Variants in HPSE2 observed in about 807,000 individuals in gnomAD.
HPSE2 encodes heparanase 2 (inactive).
Under a neutral mutation model 60.5 loss-of-function variants are expected in HPSE2, and 38 were observed. The ratio of observed to expected loss-of-function variants is 0.63; its 90% CI spans 0.48 to 0.82. The LOEUF (loss-of-function observed/expected upper bound fraction) is 0.82. Among genes scored for constraint, HPSE2 ranks in the 40% least tolerant of loss-of-function variants. The pLI is 0.00. For synonymous variants in HPSE2, 295 were observed against 293.2 expected (o/e 1.01, Z -0.06); for missense variants, 713 against 740.4 (o/e 0.96, Z 0.43).
At chr10:99,295,883 T>G in the HPSE2 span, among the ~76,000 whole-genome samples, 6 of 152,180 alleles carry the variant, frequency 3.9e-5, no homozygotes, top group Non-Finnish European at 1.5e-5. Context: ...GAAAGAAATT[T>G]GGTATTATTT....
chr10:98,495,643 G>T (rs181416596), intron 9 of HPSE2, among the ~76,000 whole-genome samples: 1 of 151,872 alleles, frequency 6.6e-6, no homozygotes, highest in Admixed American at 6.5e-5. Context: ...TCTTCTGACT[G>T]CTCCAATTTG....
intron 3 of HPSE2, chr10:99,013,522 A>G: frequency 3.1e-6 from 1 of 323,786 alleles, no homozygotes; most frequent in African/African-American, 2.3e-5. Context: ...CCCAGGCTGG[A>G]GTGTACTGGC....
chr10:99,281,169 CTTA>C, the HPSE2 span, among the ~76,000 whole-genome samples: 18 of 149,522 alleles, frequency 1.2e-4, no homozygotes, highest in African/African-American at 3.4e-4. Context: ...TAAACAATAA[CTTA>C]TTAATATTAT....
At chr10:99,001,110 T>C (rs560019071) in intron 3 of HPSE2, among the ~76,000 whole-genome samples, 1 of 152,252 alleles carries the variant, frequency 6.6e-6, no homozygotes, top group East Asian at 1.9e-4. Flanking sequence ...ATTTCTCTAA[T>C]CACCCTCTAT....
the HPSE2 span, among the ~76,000 whole-genome samples, chr10:99,251,802 A>T: frequency 6.8e-6 from 1 of 146,874 alleles, no homozygotes; most frequent in East Asian, 2.0e-4. Flanking sequence ...AGGCAGGAGG[A>T]TCACATGAGA....
chr10:98,953,945 A>G (rs1955439097), intron 3 of HPSE2, among the ~76,000 whole-genome samples: 1 of 152,206 alleles, frequency 6.6e-6, no homozygotes, highest in Admixed American at 6.5e-5. Flanking sequence ...ATACTACCAA[A>G]TCTATAATAA....
At chr10:99,115,175 C>T (rs1389957764) in intron 3 of HPSE2, among the ~76,000 whole-genome samples, 8 of 134,966 alleles carry the variant, frequency 5.9e-5, no homozygotes, top group East Asian at 4.6e-4. Context: ...TTTTTTGAGA[C>T]GGAGTCTCGC....
intron 9 of HPSE2, among the ~76,000 whole-genome samples, chr10:98,601,659 C>A (rs1042133042): frequency 6.6e-6 from 1 of 152,220 alleles, no homozygotes; most frequent in Non-Finnish European, 1.5e-5. Context: ...CCCACCCCTG[C>A]GGGGAGGAAT....
rs112643639 is a variant in HPSE2, at chr10:98,769,961, T to C, written c.611-25905A>G. Among the ~76,000 whole-genome samples, 24 of 152,320 alleles carry C rather than the reference T, an allele frequency of 1.6e-4. 1 individual carries two copies. Among genetic ancestry groups the C allele is most frequent in the African/African-American group, 5.5e-4 (23 of 41,576 alleles). ...TTTGGATACAAAGATGGAATGTTAT[T>C]GCTAAGTTTGAAGAGTCTATCTAAA... On this transcript the variant is annotated intron_variant, in intron 3 of 11. Transcript: ENST00000370552.
intron 3 of HPSE2, among the ~76,000 whole-genome samples, chr10:99,117,087 CT>C (rs35466880): frequency 6.6e-6 from 1 of 151,972 alleles, no homozygotes; most frequent in Admixed American, 6.6e-5. Context: ...CAGAGAATAC[CT>C]TTTTTTGCAA....
chr10:99,133,089 A>T (rs1335839150), intron 3 of HPSE2, among the ~76,000 whole-genome samples: 4 of 152,200 alleles, frequency 2.6e-5, no homozygotes, highest in African/African-American at 9.6e-5. Context: ...AAGCTTGAGT[A>T]GGCGGTTTTA....
rs1425733779 is a variant in HPSE2 at position 98,726,504 on chromosome 10, A to T, written c.785-4676T>A. On this transcript the variant is annotated intron_variant, in intron 4 of 11. Transcript: ENST00000370552. ...CTGTTGTGGGGCAGGGGGAGGGGGG[A>T]GGGATAGCATTAGGAGATATACCTA... 3.8e-5 allele frequency among the ~76,000 whole-genome samples: 5 copies of T among 130,482 alleles called. No homozygotes were observed. In the East Asian group the frequency reaches 1.3e-3, roughly 35 times the overall value. 85.6% of individuals were successfully genotyped at this position (130,482 alleles called of 152,430 possible). A position where few individuals can be genotyped will look rare whatever the true frequency, so the allele number is the denominator to read the frequency against.
intron 3 of HPSE2, among the ~76,000 whole-genome samples, chr10:98,906,733 G>A (rs1017721942): frequency 1.1e-4 from 16 of 152,034 alleles, no homozygotes; most frequent in African/African-American, 2.7e-4. Flanking sequence ...GTTAAACCCC[G>A]TCTCTGCTAA....
intron 2 of HPSE2, among the ~76,000 whole-genome samples, chr10:99,226,224 C>G (rs1009578561): frequency 3.9e-5 from 6 of 151,976 alleles, no homozygotes; most frequent in African/African-American, 1.4e-4. Context: ...GGTCTACCTA[C>G]CTATCTAACT....
At chr10:98,847,965 G>A (rs537225151) in intron 3 of HPSE2, among the ~76,000 whole-genome samples, 12 of 152,302 alleles carry the variant, frequency 7.9e-5, no homozygotes, top group South Asian at 2.1e-4. Context: ...AAGTGTTAAC[G>A]AAACTTTATG....
chr10:98,724,021 T>C (rs1481392710), intron 4 of HPSE2, among the ~76,000 whole-genome samples: 1 of 152,226 alleles, frequency 6.6e-6, no homozygotes, highest in Non-Finnish European at 1.5e-5. Flanking sequence ...TGAATGTGTT[T>C]GCTCTTGCTT....
intron 3 of HPSE2, among the ~76,000 whole-genome samples, chr10:98,870,565 T>G (rs559142501): frequency 6.6e-6 from 1 of 152,206 alleles, no homozygotes; most frequent in East Asian, 1.9e-4. Context: ...CCTTGAAAAC[T>G]GGATAGGAAA....
chr10:99,168,971 G>A (rs1847192774), intron 2 of HPSE2, among the ~76,000 whole-genome samples: 4 of 151,834 alleles, frequency 2.6e-5, no homozygotes, highest in Admixed American at 2.0e-4. Flanking sequence ...AAGGCGGGTG[G>A]ATCACAAGGT....
intron 9 of HPSE2, among the ~76,000 whole-genome samples, chr10:98,607,058 CCTCCCTCCCTCCCTCCCTCT>C (rs1197718960): frequency 2.5e-4 from 32 of 126,140 alleles, no homozygotes; most frequent in East Asian, 6.6e-4. Context: ...TTTCTTTCTC[CCTCCCTCCCTCCCTCCCTCT>C]CTCCCTCCCT....
Sources: gnomAD v4.1 joint callset for allele counts (sites outside exome capture counted in the v4.1 genomes callset) on GRCh38, gnomAD v4.1.1 for gene constraint, MANE v1.5 for transcripts, NCBI Gene and HGNC (gene_info 2026-07-23, HGNC 2026-07-21) for gene names.